The following RBM38 variants were observed in gnomAD, a reference collection of about 807,000 sequenced individuals.
RBM38 encodes RNA binding motif protein 38, also known as RNA-binding protein 38.
In RBM38, 11 loss-of-function variants were observed where a neutral mutation model predicts 23.5. The ratio of observed to expected loss-of-function variants is 0.47; its 90% confidence interval spans 0.29 to 0.77. The LOEUF (loss-of-function observed/expected upper bound fraction) is 0.77. Ranked by LOEUF, RBM38 falls within the 30% of genes least tolerant of loss-of-function variation. The probability of loss-of-function intolerance (pLI) is 0.08; values close to 1 mark genes in which losing one functional copy is unlikely to be tolerated. For missense variants in RBM38, 330 were observed against 351.9 expected (o/e 0.94, Z 0.50); for synonymous variants, 165 against 166.1 (o/e 0.99, Z 0.05).
chr20:57,404,338 T>A (rs1346522901), intron 3 of RBM38, among the ~76,000 whole-genome samples: 3 of 152,260 alleles, frequency 2.0e-5, no homozygotes, highest in African/African-American at 7.2e-5. Flanking sequence ...GGGATCCACA[T>A]TTTTAGCAAA....
At position 57,407,228 on chromosome 20, in the gene RBM38, C is replaced by T. The variant is rs1206218114; in HGVS notation, c.417-315C>T. Among the ~76,000 whole-genome samples, 2 of 152,146 alleles carry T rather than the reference C, an allele frequency of 1.3e-5. No homozygotes were observed. The highest frequency in any genetic ancestry group is 4.8e-5 in the African/African-American group (2 of 41,424). Reference sequence around the variant, plus strand: ...CAAACTCTCAATCATTTGAAAACAACCATTCAAGATTTTTATTTTTGCACC... The same window carrying T: ...CAAACTCTCAATCATTTGAAAACAATCATTCAAGATTTTTATTTTTGCACC... On this transcript the variant is annotated intron_variant, in intron 3 of 3. Coordinates refer to ENST00000356208, the MANE Select transcript of RBM38 (RefSeq NM_017495.6). This position sits in a 1 kb window ranked among gnomAD's most constrained non-coding sequence, Gnocchi z 4.0.
intron 3 of RBM38, among the ~76,000 whole-genome samples, chr20:57,403,268 G>A (rs536921321): frequency 6.6e-6 from 1 of 152,182 alleles, no homozygotes; most frequent in Non-Finnish European, 1.5e-5. Flanking sequence ...AGGAAACTGC[G>A]CCTTGGAAGT....
chr20:57,401,627 A>G (rs1013495889), intron 3 of RBM38, among the ~76,000 whole-genome samples: 7 of 152,232 alleles, frequency 4.6e-5, no homozygotes, highest in Non-Finnish European at 1.0e-4. Flanking sequence ...TGTGCAAGGT[A>G]GATGATGAAG....
At chr20:57,396,841 A>AT (rs1349244866) in intron 3 of RBM38, among the ~76,000 whole-genome samples, 1 of 152,186 alleles carries the variant, frequency 6.6e-6, no homozygotes, top group Non-Finnish European at 1.5e-5. Flanking sequence ...GGCTCCAGAC[A>AT]TCCCACCCAC....
intron 3 of RBM38, among the ~76,000 whole-genome samples, chr20:57,404,764 C>T (rs974447938): frequency 2.6e-5 from 4 of 152,260 alleles, no homozygotes; most frequent in African/African-American, 7.2e-5. Context: ...CATCGGGCAG[C>T]GTAGCGAGGT....
intron 3 of RBM38, among the ~76,000 whole-genome samples, chr20:57,404,244 C>T (rs1374960983): frequency 2.6e-5 from 4 of 152,216 alleles, no homozygotes; most frequent in East Asian, 1.9e-4. Context: ...GTCTGGGCAG[C>T]GGTTCTTGAA....
chr20:57,394,230 G>A (rs1028115642), intron 3 of RBM38, among the ~76,000 whole-genome samples: 1 of 152,214 alleles, frequency 6.6e-6, no homozygotes, highest in Non-Finnish European at 1.5e-5. Context: ...GCACCACGTA[G>A]ATTCCATTGA....
chr20:57,403,989 G>A (rs1328876040), intron 3 of RBM38, among the ~76,000 whole-genome samples: 3 of 152,204 alleles, frequency 2.0e-5, no homozygotes, highest in Admixed American at 1.3e-4. Context: ...AGTAGATACC[G>A]ACATGCAGTG....
chr20:57,400,328 G>C (rs6025528), intron 3 of RBM38, among the ~76,000 whole-genome samples: 18,098 of 152,168 alleles, frequency 0.12, 3,434 homozygotes, highest in African/African-American at 0.4. Context: ...GGCCACGTGT[G>C]AACGGGAAGG....
At chr20:57,401,245 C>T (rs901819589) in intron 3 of RBM38, among the ~76,000 whole-genome samples, 3 of 152,210 alleles carry the variant, frequency 2.0e-5, no homozygotes, top group Non-Finnish European at 4.4e-5. Context: ...AGCAATAGAT[C>T]CTCACAGCAG....
At chr20:57,392,493 G>T in intron 1 of RBM38, 161 bp from the exon 2 acceptor site, 3 of 1,534,622 alleles carry the variant, frequency 2.0e-6, no homozygotes, top group East Asian at 2.4e-5. Context: ...AGAGCCCCAG[G>T]TAGGGTTCAG....
At chr20:57,405,025 A>G (rs766299739) in intron 3 of RBM38, among the ~76,000 whole-genome samples, 19 of 151,882 alleles carry the variant, frequency 1.3e-4, no homozygotes, top group Non-Finnish European at 2.9e-5. Context: ...CTCTTCAGAC[A>G]CTCAGACTGG....
chr20:57,397,999 A>G (rs1410356071), intron 3 of RBM38, among the ~76,000 whole-genome samples: 1 of 152,146 alleles, frequency 6.6e-6, no homozygotes, highest in African/African-American at 2.4e-5. Flanking sequence ...TACACATGAC[A>G]TGTAAGAATG....
At chr20:57,397,881 G>T (rs1459412090) in intron 3 of RBM38, among the ~76,000 whole-genome samples, 1 of 152,246 alleles carries the variant, frequency 6.6e-6, no homozygotes, top group Non-Finnish European at 1.5e-5. Flanking sequence ...TAAACAGGAA[G>T]CTGGCGGAAT....
At chr20:57,403,284 A>C (rs958508690) in intron 3 of RBM38, among the ~76,000 whole-genome samples, 6 of 152,136 alleles carry the variant, frequency 3.9e-5, no homozygotes, top group African/African-American at 1.4e-4. Context: ...GAAGTTTTGA[A>C]ACCTGTTTGG....
intron 3 of RBM38, among the ~76,000 whole-genome samples, chr20:57,394,144 G>T (rs1218996939): frequency 1.3e-5 from 2 of 152,192 alleles, no homozygotes; most frequent in African/African-American, 4.8e-5. Context: ...CCCTTTCAGG[G>T]CATTGGCACT....
Position 57,407,546 on chromosome 20 carries a change from G to A in RBM38, c.420G>A (p.Leu140=). The A allele has an allele frequency of 3.7e-6, 6 of 1,613,270 alleles. No individual in the cohort carries two copies. The highest frequency in any genetic ancestry group is 4.2e-6 in the Non-Finnish European group (5 of 1,179,502). Residue 140 remains leucine, a synonymous_variant, in exon 4 of 4, where the codon CTG becomes CTA. Coordinates refer to ENST00000356208, the MANE Select transcript of RBM38 (RefSeq NM_017495.6). This position sits in a 1 kb window ranked among gnomAD's most constrained non-coding sequence, Gnocchi z 4.0. Reference sequence around the variant, plus strand: ...CCTGCTCTGCTTGGCCCCACAGGCTGACCCCGCACTACATCTACCCACCAG... The same window carrying A: ...CCTGCTCTGCTTGGCCCCACAGGCTAACCCCGCACTACATCTACCCACCAG... The part of the protein sequence containing the change: ...HPTLIQRTYG[L]TPHYIYPPAI...
chr20:57,393,317 A>G lies in RBM38; in HGVS notation c.400A>G (p.Ile134Val). Residue 134 changes from isoleucine to valine, a missense_variant, in exon 3 of 4, where the codon ATC becomes GTC. By Grantham distance (29) the Ile-to-Val change is conservative. Coordinates refer to ENST00000356208, the MANE Select transcript of RBM38 (RefSeq NM_017495.6). ...IGVQQLHPTL[I>V]QRTYGLTPHY... is the part of the protein sequence containing the mutation. ...GGTGCAGCAGCTGCACCCCACCTTG[A>G]TCCAGCGGACTTACGGGTGAGTGGA... The G allele has an allele frequency of 1.2e-6, 2 of 1,613,694 alleles. No homozygotes were observed. The highest frequency in any genetic ancestry group is 1.7e-6 in the Non-Finnish European group (2 of 1,179,800).
rs1244380397 is a variant in RBM38, at chr20:57,409,288, G to T, written c.*1442G>T. ...TAATCTCATCATAATATTTTTATTA[G>T]AATGTTCTGATGATAAAAATAAAAC... On this transcript the variant is annotated 3_prime_UTR_variant, in exon 4 of 4. Transcript: ENST00000356208. The T allele has an allele frequency of 3.9e-5, 6 of 152,590 alleles. No individual in the cohort carries two copies. In the East Asian group the frequency reaches 1.2e-3, roughly 29 times the overall value. 9.5% of individuals were successfully genotyped at this position (152,590 alleles called of 1,614,324 possible).
Sources: gnomAD v4.1 joint callset for allele counts (sites outside exome capture counted in the v4.1 genomes callset) on GRCh38, gnomAD v4.1.1 for gene constraint, Gnocchi (gnomAD v3.1) non-coding constraint, MANE v1.5 for transcripts, NCBI Gene and HGNC (gene_info 2026-07-23, HGNC 2026-07-21) for gene names.